CPXM2: variants seen among roughly 807,000 people sequenced by gnomAD.
CPXM2 encodes the protein inactive carboxypeptidase-like protein X2.
CPXM2 carries 66 observed loss-of-function variants against 86.1 expected under a neutral mutation model. The observed-to-expected ratio is 0.77, with a 90% confidence interval of 0.63 to 0.94. The LOEUF is 0.94. Among genes scored for constraint, CPXM2 ranks in the 40% least tolerant of loss-of-function variants. CPXM2 has a pLI of 0.00. For synonymous variants in CPXM2, 388 were observed against 400.2 expected (o/e 0.97, Z 0.36); for missense variants, 948 against 1,026.3 (o/e 0.92, Z 1.04).
At chr10:123,810,232 C>T (rs1214974249) in intron 4 of CPXM2, among the ~76,000 whole-genome samples, 1 of 151,476 alleles carries the variant, frequency 6.6e-6, no homozygotes, top group East Asian at 1.9e-4. Context: ...ACAGGAGCTC[C>T]AAAAATATAA....
chr10:123,894,343 A>T (rs1202349113), upstream of CPXM2, among the ~76,000 whole-genome samples: 1 of 152,216 alleles, frequency 6.6e-6, no homozygotes, highest in Non-Finnish European at 1.5e-5. Flanking sequence ...GAATAAAGAA[A>T]TGAGTCCCAC....
intron 2 of CPXM2, among the ~76,000 whole-genome samples, chr10:123,918,371 T>C (rs1005293832): frequency 1.3e-5 from 2 of 152,320 alleles, no homozygotes; most frequent in African/African-American, 4.8e-5. Context: ...TTCTACTGGT[T>C]ACAACTAAAA....
chr10:123,755,071 G>C (rs1846173681), intron 12 of CPXM2, among the ~76,000 whole-genome samples: 1 of 152,240 alleles, frequency 6.6e-6, no homozygotes, highest in Non-Finnish European at 1.5e-5. Context: ...TTTTATAAGG[G>C]GAGGGGGCTA....
intron 3 of CPXM2, among the ~76,000 whole-genome samples, chr10:123,853,432 C>T (rs966471170): frequency 6.6e-6 from 1 of 152,212 alleles, no homozygotes; most frequent in Admixed American, 6.5e-5. Flanking sequence ...GCATCCTCAG[C>T]ACCTAGAACA....
At chr10:123,933,195 T>A (rs1313595239) in intron 2 of CPXM2, among the ~76,000 whole-genome samples, 1 of 152,084 alleles carries the variant, frequency 6.6e-6, no homozygotes. Context: ...GTAGGACTGG[T>A]CTCCAACCAC....
intron 6 of CPXM2, among the ~76,000 whole-genome samples, chr10:123,788,678 C>A (rs1847128511): frequency 6.6e-6 from 1 of 152,222 alleles, no homozygotes; most frequent in South Asian, 2.1e-4. Context: ...CCAGACCTCA[C>A]TCTTGTTAAT....
Position 123,746,471 on chromosome 10 carries a change from C to G in CPXM2, c.*293G>C. Reference sequence around the variant, plus strand: ...CAGCCAGAGGCTCTGAACGGACAGGCTCCCCTCCTTCTCCTTCTCTCTCTG... The same window carrying G: ...CAGCCAGAGGCTCTGAACGGACAGGGTCCCCTCCTTCTCCTTCTCTCTCTG... On this transcript the variant is annotated 3_prime_UTR_variant, in exon 14 of 14. Transcript: ENST00000241305. 2.2e-6 allele frequency: 1 copy of G among 453,920 alleles called. No individual in the cohort carries two copies. The highest frequency in any genetic ancestry group is 3.9e-6 in the Non-Finnish European group (1 of 255,004). 28.1% of individuals were successfully genotyped at this position (453,920 alleles called of 1,614,324 possible). A position where few individuals can be genotyped will look rare whatever the true frequency, so the allele number is the denominator to read the frequency against.
chr10:123,883,603 G>C (rs74515194), intron 1 of CPXM2, among the ~76,000 whole-genome samples: 3 of 152,250 alleles, frequency 2.0e-5, no homozygotes, highest in Non-Finnish European at 2.9e-5. Context: ...AGGAATAACA[G>C]CTAATGTGCA....
At chr10:123,922,853 T>C (rs1446687619) in intron 2 of CPXM2, among the ~76,000 whole-genome samples, 1 of 152,174 alleles carries the variant, frequency 6.6e-6, no homozygotes, top group East Asian at 1.9e-4. Flanking sequence ...TGAAAAACTA[T>C]TGGGAAACAG....
chr10:123,860,222 G>A (rs1401851614), intron 3 of CPXM2, among the ~76,000 whole-genome samples: 1 of 152,172 alleles, frequency 6.6e-6, no homozygotes, highest in Non-Finnish European at 1.5e-5. Flanking sequence ...ACAGAGGAAG[G>A]AGATGATCCA....
rs113757231 is a variant in CPXM2, at chr10:123,883,616, G to C, written c.305-3307C>G. Among the ~76,000 whole-genome samples, 669 of 152,334 alleles carry C rather than the reference G, an allele frequency of 4.4e-3. 5 individuals carry two copies. The highest frequency in any genetic ancestry group is 0.015 in the African/African-American group (640 of 41,564). On this transcript the variant is annotated intron_variant, in intron 1 of 13. Transcript: ENST00000241305. ...GGAGGAATAACAGCTAATGTGCATA[G>C]CATGGTTCAAAATTGACACGGCATT...
rs547710688 is a variant in CPXM2 at position 123,910,145 on chromosome 10, G to A, written n.174+29332C>T. On this transcript the variant is annotated intron_variant and non_coding_transcript_variant, in intron 2 of 19. Transcript: ENST00000368854. ...GTCCCTCACTGAACCCAGCCCCACC[G>A]AGCTGGCCCACCTGCACATTCGCGC... Among the ~76,000 whole-genome samples the A allele has an allele frequency of 2.2e-4, 34 of 152,214 alleles. No homozygotes were observed. In the South Asian group the frequency reaches 6.6e-3, roughly 30 times the overall value.
Position 123,878,305 on chromosome 10 carries a change from T to C in CPXM2, c.403+1906A>G, listed in dbSNP as rs1336010932. Among the ~76,000 whole-genome samples, 257 of 137,698 alleles carry C rather than the reference T, an allele frequency of 1.9e-3. 7 individuals carry two copies. The highest frequency in any genetic ancestry group is 5.1e-3 in the South Asian group (19 of 3,710). The allele number at this position is 137,698 out of a possible 152,430, so 90.3% of individuals were successfully genotyped here. A position where few individuals can be genotyped will look rare whatever the true frequency, so the allele number is the denominator to read the frequency against. On this transcript the variant is annotated intron_variant, in intron 2 of 13. Coordinates refer to ENST00000241305, the MANE Select transcript of CPXM2 (RefSeq NM_198148.3). Reference sequence around the variant, plus strand: ...CCCCCTTTTTTTCTCTCTTTTTTTTTTTTTTTTTTTTTTTTTTTTAGTAAA... The same window carrying C: ...CCCCCTTTTTTTCTCTCTTTTTTTTCTTTTTTTTTTTTTTTTTTTAGTAAA...
upstream of CPXM2, among the ~76,000 whole-genome samples, chr10:123,943,808 A>C (rs924777395): frequency 2.0e-5 from 3 of 152,220 alleles, no homozygotes; most frequent in Non-Finnish European, 4.4e-5. Context: ...TCTTGGGCCT[A>C]GAGGGACACC....
chr10:123,900,480 A>C (rs1040374274), intron 2 of CPXM2, among the ~76,000 whole-genome samples: 1 of 152,272 alleles, frequency 6.6e-6, no homozygotes, highest in African/African-American at 2.4e-5. Flanking sequence ...CAAAGCCATT[A>C]GTAACCAGAG....
chr10:123,863,026 G>A (rs1399363238), intron 2 of CPXM2, among the ~76,000 whole-genome samples: 1 of 152,138 alleles, frequency 6.6e-6, no homozygotes. Context: ...AAGCATCATT[G>A]GAGCTCTGCA....
chr10:123,866,286 G>C (rs528309683), intron 2 of CPXM2, among the ~76,000 whole-genome samples: 1 of 152,124 alleles, frequency 6.6e-6, no homozygotes, highest in Non-Finnish European at 1.5e-5. Context: ...ATTCAGGACC[G>C]GGTGCGGTGG....
chr10:123,873,942 C>T (rs907796275), intron 2 of CPXM2, among the ~76,000 whole-genome samples: 5 of 150,420 alleles, frequency 3.3e-5, no homozygotes, highest in African/African-American at 1.2e-4. Context: ...TCACTGCAGC[C>T]TCCACCTCCA....
At chr10:123,892,494 A>G (rs544901311), upstream of CPXM2, among the ~76,000 whole-genome samples, 3 of 152,176 alleles carry the variant, frequency 2.0e-5, no homozygotes, top group Non-Finnish European at 4.4e-5. Flanking sequence ...ACAACTCTGC[A>G]TGGGTTCTTT....
Sources: allele counts gnomAD v4.1 joint callset (sites outside exome capture counted in the v4.1 genomes callset), GRCh38; gene constraint gnomAD v4.1.1; transcripts MANE v1.5; gene names NCBI Gene and HGNC (gene_info 2026-07-23, HGNC 2026-07-21).